The following PCNX2 variants were observed in gnomAD, a reference collection of about 807,000 sequenced individuals.
PCNX2 encodes the protein pecanex-like protein 2.
In PCNX2, 168 loss-of-function variants were observed where a neutral mutation model predicts 223.8. The ratio of observed to expected loss-of-function variants is 0.75; its 90% CI spans 0.66 to 0.85. The LOEUF (loss-of-function observed/expected upper bound fraction) is 0.85. Ranked by LOEUF, PCNX2 falls within the 40% of genes least tolerant of loss-of-function variation. PCNX2 has a pLI of 0.00. For synonymous variants in PCNX2, 1,006 were observed against 1,052.6 expected (o/e 0.96, Z 0.86); for missense variants, 2,507 against 2,675.5 (o/e 0.94, Z 1.39).
chr1:233,004,645 T>C (rs1237088762), intron 28 of PCNX2, among the ~76,000 whole-genome samples: 3 of 152,236 alleles, frequency 2.0e-5, no homozygotes, highest in Non-Finnish European at 4.4e-5. Flanking sequence ...TGAGGACGGC[T>C]GCTCCTAAGG....
intron 32 of PCNX2, among the ~76,000 whole-genome samples, chr1:232,987,114 G>A (rs60262284): frequency 2.1e-4 from 32 of 152,276 alleles, no homozygotes; most frequent in East Asian, 1.5e-3. Context: ...TTACAGGCCC[G>A]CAACTACTGG....
chr1:232,991,638 A>G lies in PCNX2; in HGVS notation c.5792-5098T>C, dbSNP rs1669702219. ...CATGATGACCAGTGTCCTTATAAAA[A>G]GGGGACGTGTGGACACAGAGAAGTA... On this transcript the variant is annotated intron_variant, in intron 32 of 33. Coordinates refer to ENST00000258229, the MANE Select transcript of PCNX2 (RefSeq NM_014801.4). The surrounding 1 kb of genome is among the most constrained non-coding windows in gnomAD (Gnocchi z 4.3). Among the ~76,000 whole-genome samples the G allele has an allele frequency of 6.6e-6, 1 of 152,176 alleles. No homozygotes were observed.
At chr1:233,089,568 T>C (rs1266293371) in intron 23 of PCNX2, among the ~76,000 whole-genome samples, 1 of 152,190 alleles carries the variant, frequency 6.6e-6, no homozygotes, top group Non-Finnish European at 1.5e-5. Flanking sequence ...GGTGAAGAAA[T>C]CATCTTCACT....
chr1:233,308,786 A>G, the PCNX2 span, among the ~76,000 whole-genome samples: 1 of 152,204 alleles, frequency 6.6e-6, no homozygotes, highest in Non-Finnish European at 1.5e-5. Flanking sequence ...CAGAAGCTGC[A>G]TAAAACAAAA....
intron 8 of PCNX2, among the ~76,000 whole-genome samples, chr1:233,243,821 C>A (rs1463937211): frequency 6.7e-6 from 1 of 149,134 alleles, no homozygotes; most frequent in African/African-American, 2.6e-5. Flanking sequence ...TGTACTATCA[C>A]CTTTATTTTT....
chr1:233,089,999 A>C (rs774543671), intron 23 of PCNX2, 62 bp downstream of exon 23: 1 of 1,607,524 alleles, frequency 6.2e-7, no homozygotes, highest in African/African-American at 1.3e-5. Context: ...AGAGGAAGGC[A>C]GAGGAGCCTT....
At chr1:233,203,558 A>G (rs969674659) in intron 13 of PCNX2, among the ~76,000 whole-genome samples, 4 of 152,048 alleles carry the variant, frequency 2.6e-5, no homozygotes, top group Middle Eastern at 3.2e-3. Context: ...ATTCATCTGA[A>G]TTTCTCCTCC....
At chr1:233,087,911 A>C (rs553387834) in intron 23 of PCNX2, among the ~76,000 whole-genome samples, 29 of 152,284 alleles carry the variant, frequency 1.9e-4, no homozygotes, top group Middle Eastern at 6.8e-3. Flanking sequence ...CAGACACCCC[A>C]CACACACATA....
intron 25 of PCNX2, among the ~76,000 whole-genome samples, chr1:233,039,733 C>T (rs1485712332): frequency 1.3e-5 from 2 of 152,154 alleles, no homozygotes; most frequent in African/African-American, 4.8e-5. Context: ...AACAAACTGG[C>T]TTTGGTTTTC....
At chr1:233,325,386 C>T in the PCNX2 span, among the ~76,000 whole-genome samples, 52 of 151,574 alleles carry the variant, frequency 3.4e-4, no homozygotes, top group African/African-American at 1.1e-3. Flanking sequence ...AGGCCAGGCA[C>T]GATAGCTCAC....
At chr1:233,141,987 TA>T (rs1558275103) in intron 19 of PCNX2, among the ~76,000 whole-genome samples, 1 of 151,968 alleles carries the variant, frequency 6.6e-6, no homozygotes, top group Non-Finnish European at 1.5e-5. Context: ...CAGATAAAAA[TA>T]AAAAGAAGTT....
At chr1:233,199,167 A>G (rs1290157308) in intron 14 of PCNX2, 137 bp from the exon 15 acceptor site, 2 of 754,206 alleles carry the variant, frequency 2.7e-6, no homozygotes, top group Non-Finnish European at 4.3e-6. Context: ...TATGGGATCC[A>G]TCAAAAGGCA....
In PCNX2 at chr1:233,139,809, C is replaced by G. The variant is rs114498244; in HGVS notation, c.3564G>C (p.Gln1188His). 1.2e-6 allele frequency: 2 copies of G among 1,613,482 alleles called. No individual in the cohort carries two copies. Among genetic ancestry groups the G allele is most frequent in the South Asian group, 2.2e-5 (2 of 90,966 alleles). The change falls in exon 20 of 34, where the codon CAG becomes CAC. Residue 1188 changes from glutamine (Q) to histidine (H), a missense_variant. Transcript: ENST00000258229. This position sits in a 1 kb window ranked among gnomAD's most constrained non-coding sequence, Gnocchi z 4.4. ...GGTACAAGATGTATTTTTCAAAACA[C>G]TGAAGCCAAACATAGAGTCTTTCGA... ...MWFERLYVWL[Q>H]CFEKYILYPA... is the part of the protein sequence containing the mutation.
chr1:233,256,844 C>A (rs1166754013), intron 5 of PCNX2, among the ~76,000 whole-genome samples: 1 of 152,182 alleles, frequency 6.6e-6, no homozygotes, highest in African/African-American at 2.4e-5. Context: ...GAAAAAATTG[C>A]TCAGAGCAAC....
chr1:232,996,560 C>T (rs1019223954), intron 32 of PCNX2, among the ~76,000 whole-genome samples: 6 of 152,120 alleles, frequency 3.9e-5, no homozygotes, highest in African/African-American at 7.2e-5. Context: ...TTTTGAGCAG[C>T]GGATACCACC....
intron 19 of PCNX2, among the ~76,000 whole-genome samples, chr1:233,153,468 G>A (rs532829834): frequency 1.3e-5 from 2 of 152,188 alleles, no homozygotes; most frequent in Admixed American, 6.5e-5. Context: ...ATATAATCAA[G>A]GTCTATACTA....
At chr1:233,244,935 A>T (rs1452378790) in intron 8 of PCNX2, among the ~76,000 whole-genome samples, 2 of 152,210 alleles carry the variant, frequency 1.3e-5, no homozygotes, top group East Asian at 3.9e-4. Flanking sequence ...CCCACCAAAG[A>T]TGAGGGATTT....
At chr1:233,068,447 G>A (rs1672712011) in intron 23 of PCNX2, among the ~76,000 whole-genome samples, 1 of 152,120 alleles carries the variant, frequency 6.6e-6, no homozygotes, top group African/African-American at 2.4e-5. Flanking sequence ...AAAAGTATGG[G>A]TAAATACAAT....
At position 233,117,384 on chromosome 1, in the gene PCNX2, C is replaced by A. The variant is rs1177043988; in HGVS notation, c.3837+17629G>T. ...CGGTTGCTCACGCCTGTAATCCCAG[C>A]ACTTTGGGAGGCCGAGGCAGGCAGA... is the stretch of plus-strand genomic sequence containing the variant. On this transcript the variant is annotated intron_variant, in intron 21 of 33. Transcript: ENST00000258229. Among the ~76,000 whole-genome samples, 9 of 151,434 alleles carry A rather than the reference C, an allele frequency of 5.9e-5. No individual in the cohort carries two copies. The South Asian group carries it at 8.3e-4, about 14-fold the overall frequency.
Sources: gnomAD v4.1 joint callset for allele counts (sites outside exome capture counted in the v4.1 genomes callset) on GRCh38, gnomAD v4.1.1 for gene constraint, Gnocchi (gnomAD v3.1) non-coding constraint, MANE v1.5 for transcripts, NCBI Gene and HGNC (gene_info 2026-07-23, HGNC 2026-07-21) for gene names.